Variants in PLD5 observed in about 807,000 individuals in gnomAD.
The protein encoded by PLD5 is phospholipase D family member 5.
A neutral mutation model predicts 61.1 loss-of-function variants in PLD5; 36 were observed. The observed-to-expected ratio is 0.59, with a 90% CI of 0.45 to 0.78. PLD5 has a LOEUF of 0.78. PLD5 is among the 30% of genes least tolerant of loss of function. The pLI, the probability that PLD5 is intolerant of heterozygous loss-of-function variation, is 0.00. For missense variants in PLD5, 515 were observed against 644.4 expected (o/e 0.80, Z 2.17); for synonymous variants, 243 against 242.8 (o/e 1.00, Z -0.01).
chr1:242,204,182 G>T (rs900628291), intron 5 of PLD5, among the ~76,000 whole-genome samples: 9 of 151,968 alleles, frequency 5.9e-5, no homozygotes, highest in Middle Eastern at 3.4e-3. Flanking sequence ...GGCGAAGCTT[G>T]CAGTGAGCTG....
chr1:242,134,395 T>G (rs1297648107), intron 5 of PLD5, among the ~76,000 whole-genome samples: 1 of 87,604 alleles, frequency 1.1e-5, no homozygotes, highest in Non-Finnish European at 2.3e-5. Flanking sequence ...GTTTTTTTTT[T>G]TTTTTAATAA....
intron 1 of PLD5, among the ~76,000 whole-genome samples, chr1:242,436,039 C>T (rs940439022): frequency 2.6e-5 from 4 of 152,112 alleles, no homozygotes; most frequent in Non-Finnish European, 5.9e-5. Context: ...TATCCAATAG[C>T]CTTCCCTATC....
At chr1:242,379,025 T>C (rs1662133540) in intron 1 of PLD5, among the ~76,000 whole-genome samples, 1 of 152,102 alleles carries the variant, frequency 6.6e-6, no homozygotes, top group African/African-American at 2.4e-5. Context: ...CTTTCACACT[T>C]CAGAACTTTT....
At chr1:242,351,338 G>T (rs1660466417) in intron 1 of PLD5, among the ~76,000 whole-genome samples, 2 of 152,122 alleles carry the variant, frequency 1.3e-5, no homozygotes, top group South Asian at 4.1e-4. Flanking sequence ...ATATAATATG[G>T]TTTGACTGTG....
At chr1:242,120,807 C>T (rs2148723083) in intron 6 of PLD5, among the ~76,000 whole-genome samples, 1 of 152,324 alleles carries the variant, frequency 6.6e-6, no homozygotes, top group Admixed American at 6.5e-5. Flanking sequence ...TGTTCCCATC[C>T]TCCAATTTCA....
intron 1 of PLD5, among the ~76,000 whole-genome samples, chr1:242,498,737 T>C (rs1053462486): frequency 6.6e-6 from 1 of 152,222 alleles, no homozygotes; most frequent in Admixed American, 6.5e-5. Flanking sequence ...TCATTTTTCT[T>C]CGTTGAACTT....
chr1:242,158,436 G>T (rs1665563094), intron 5 of PLD5, among the ~76,000 whole-genome samples: 1 of 152,134 alleles, frequency 6.6e-6, no homozygotes, highest in South Asian at 2.1e-4. Flanking sequence ...CAGGGCCCTG[G>T]TGGGGTAGGC....
At chr1:242,191,431 C>A (rs1413449900) in intron 5 of PLD5, among the ~76,000 whole-genome samples, 1 of 151,934 alleles carries the variant, frequency 6.6e-6, no homozygotes, top group African/African-American at 2.4e-5. Flanking sequence ...ACTATAAACA[C>A]AAAAGTTAGC....
At chr1:242,526,586 T>C (rs959391908), upstream of PLD5, among the ~76,000 whole-genome samples, 2 of 152,058 alleles carry the variant, frequency 1.3e-5, no homozygotes, top group African/African-American at 2.4e-5. Flanking sequence ...CAGGTGCACG[T>C]CACCACGCCC....
upstream of PLD5, among the ~76,000 whole-genome samples, chr1:242,525,098 A>G (rs892739149): frequency 6.7e-6 from 1 of 149,752 alleles, no homozygotes; most frequent in African/African-American, 2.5e-5. Flanking sequence ...CCCATTCTGA[A>G]AGTTCACTAA....
chr1:242,269,802 T>G (rs1673945797), intron 3 of PLD5, among the ~76,000 whole-genome samples: 1 of 152,106 alleles, frequency 6.6e-6, no homozygotes, highest in Admixed American at 6.5e-5. Context: ...GGAGTCGCTC[T>G]CTTCCTGGTA....
intron 1 of PLD5, among the ~76,000 whole-genome samples, chr1:242,398,909 T>C (rs1174710131): frequency 3.3e-5 from 5 of 152,104 alleles, no homozygotes; most frequent in African/African-American, 4.8e-5. Flanking sequence ...ATTTTAAGGA[T>C]TGAAGTTGTC....
At chr1:242,301,445 A>G (rs1200544264) in intron 2 of PLD5, among the ~76,000 whole-genome samples, 4 of 152,136 alleles carry the variant, frequency 2.6e-5, no homozygotes, top group South Asian at 4.1e-4. Flanking sequence ...AGAGAAGAAA[A>G]CACAGGGAAA....
In PLD5 at chr1:242,283,759, C is replaced by T. The variant is rs373907761; in HGVS notation, c.495+4603G>A. ...GACTATCTGCCAATATTTATAGGGT[C>T]TTGGTAAAGATAAAAGGGCACACAC... is the stretch of plus-strand genomic sequence containing the variant. On this transcript the variant is annotated intron_variant, in intron 3 of 9. Transcript: ENST00000536534. Among the ~76,000 whole-genome samples the T allele has an allele frequency of 7.9e-5, 12 of 152,146 alleles. No individual in the cohort carries two copies. In the South Asian group the frequency reaches 2.3e-3, roughly 29 times the overall value.
intron 1 of PLD5, among the ~76,000 whole-genome samples, chr1:242,370,336 A>G (rs1361283408): frequency 6.6e-6 from 1 of 152,220 alleles, no homozygotes; most frequent in Non-Finnish European, 1.5e-5. Context: ...GTTATGATGC[A>G]CTGCGCTTAT....
intron 7 of PLD5, among the ~76,000 whole-genome samples, chr1:242,110,636 C>T (rs1661408604): frequency 6.6e-6 from 1 of 152,050 alleles, no homozygotes; most frequent in South Asian, 2.1e-4. Flanking sequence ...ATGGTGAAAC[C>T]CCATCTCTAC....
chr1:242,313,759 A>G (rs1676841700), intron 2 of PLD5, among the ~76,000 whole-genome samples: 1 of 151,912 alleles, frequency 6.6e-6, no homozygotes, highest in African/African-American at 2.4e-5. Context: ...ATGAACAAAT[A>G]CAATGCCTTT....
intron 5 of PLD5, among the ~76,000 whole-genome samples, chr1:242,169,475 C>T (rs1666581293): frequency 6.6e-6 from 1 of 152,298 alleles, no homozygotes; most frequent in African/African-American, 2.4e-5. Context: ...GTGCCTACCC[C>T]ACAAGGGCCC....
chr1:242,210,241 T>C (rs951985502), intron 5 of PLD5: 2 of 152,262 alleles, frequency 1.3e-5, no homozygotes, highest in Non-Finnish European at 2.9e-5. Flanking sequence ...CTCCAGTGAA[T>C]ACACAAATGT....
Sources: gnomAD v4.1 joint callset for allele counts (sites outside exome capture counted in the v4.1 genomes callset) on GRCh38, gnomAD v4.1.1 for gene constraint, MANE v1.5 for transcripts, NCBI Gene and HGNC (gene_info 2026-07-23, HGNC 2026-07-21) for gene names.